NMNAT1: variants seen among roughly 807,000 people sequenced by gnomAD.
NMNAT1 encodes nicotinamide nucleotide adenylyltransferase 1.
NMNAT1 carries 11 observed loss-of-function variants against 16.7 expected under a neutral mutation model. The ratio of observed to expected loss-of-function variants is 0.66; its 90% confidence interval spans 0.41 to 1.09. NMNAT1 has a LOEUF of 1.09. NMNAT1 is among the 50% of genes least tolerant of loss of function. NMNAT1 has a pLI of 0.00. For synonymous variants in NMNAT1, 110 were observed against 119.8 expected (o/e 0.92, Z 0.53); for missense variants, 280 against 332.3 (o/e 0.84, Z 1.22).
chr1:9,979,959 T>G (rs536815989), intron 3 of NMNAT1, among the ~76,000 whole-genome samples: 1 of 151,844 alleles, frequency 6.6e-6, no homozygotes, highest in Non-Finnish European at 1.5e-5. Context: ...GAGGCGGAGT[T>G]TTGCTCTTGT....
At chr1:9,994,146 C>T in the NMNAT1 span, among the ~76,000 whole-genome samples, 1 of 135,432 alleles carries the variant, frequency 7.4e-6, no homozygotes, top group Admixed American at 8.1e-5. Flanking sequence ...AGAATCACTC[C>T]GTCTCCCAGG....
rs1345670182 is a variant in NMNAT1 at position 9,982,485 on chromosome 1, C to T, written c.624C>T (p.Ser208=). The T allele has an allele frequency of 1.2e-6, 2 of 1,613,984 alleles. No homozygotes were observed. The highest frequency in any genetic ancestry group is 2.2e-5 in the East Asian group (1 of 44,896). ...YESDVLWKHR[S]NIHVVNEWIA... Reference sequence around the variant, plus strand: ...CGGATGTGCTGTGGAAACACCGGAGCAACATTCACGTGGTGAATGAATGGA... The same window carrying T: ...CGGATGTGCTGTGGAAACACCGGAGTAACATTCACGTGGTGAATGAATGGA... Residue 208 remains serine, a synonymous_variant, in exon 5 of 5, where the codon AGC becomes AGT. Coordinates refer to ENST00000377205, the MANE Select transcript of NMNAT1 (RefSeq NM_022787.4).
intron 1 of NMNAT1, among the ~76,000 whole-genome samples, chr1:9,946,192 G>GT (rs535064249): frequency 6.6e-6 from 1 of 152,116 alleles, no homozygotes; most frequent in Non-Finnish European, 1.5e-5. Context: ...TATGCTAAGG[G>GT]TTTTTTTATA....
chr1:9,969,461 G>A lies in NMNAT1; in HGVS notation c.-56-2557G>A, dbSNP rs1190333417. ...GAAAATACAGAAAAAATGATTAGAT[G>A]CTTCAGCTCTAAATAATAGACATTT... On this transcript the variant is annotated intron_variant, in intron 1 of 4. Coordinates refer to ENST00000377205, the MANE Select transcript of NMNAT1 (RefSeq NM_022787.4). Among the ~76,000 whole-genome samples the A allele has an allele frequency of 1.7e-4, 26 of 152,080 alleles. 1 individual carries two copies. Among genetic ancestry groups the A allele is most frequent in the Admixed American group, 1.7e-3 (26 of 15,228 alleles).
chr1:9,956,729 A>G (rs886775113), intron 1 of NMNAT1, among the ~76,000 whole-genome samples: 1 of 106,468 alleles, frequency 9.4e-6, no homozygotes, highest in South Asian at 2.8e-4. Flanking sequence ...GGCCTTGTTT[A>G]CCTTTTTTTT....
At chr1:9,960,141 CA>C (rs1223701087) in intron 1 of NMNAT1, among the ~76,000 whole-genome samples, 1 of 151,986 alleles carries the variant, frequency 6.6e-6, no homozygotes, top group East Asian at 1.9e-4. Context: ...ACTTTTTAGC[CA>C]GGAGTGATGG....
In NMNAT1 at chr1:9,985,494, C is replaced by G. The variant is rs868312331; in HGVS notation, c.*2793C>G. ...AAGTGAGGACAAATAAAGCTTTCAA[C>G]AACAGTTTGTGGTAGTCTGATGGAG... On this transcript the variant is annotated 3_prime_UTR_variant, in exon 5 of 5. Coordinates refer to ENST00000377205, the MANE Select transcript of NMNAT1 (RefSeq NM_022787.4). 6.6e-6 allele frequency: 1 copy of G among 152,120 alleles called. No homozygotes were observed. The highest frequency in any genetic ancestry group is 2.1e-4 in the South Asian group (1 of 4,830). 9.4% of individuals were successfully genotyped at this position (152,120 alleles called of 1,614,324 possible). A position where few individuals can be genotyped will look rare whatever the true frequency, so the allele number is the denominator to read the frequency against.
chr1:9,994,675 C>T, the NMNAT1 span, among the ~76,000 whole-genome samples: 3 of 149,610 alleles, frequency 2.0e-5, no homozygotes, highest in Non-Finnish European at 4.4e-5. Context: ...TGCAATGGCG[C>T]GATCTCGGCT....
chr1:9,994,848 G>A, the NMNAT1 span, among the ~76,000 whole-genome samples: 4,754 of 152,002 alleles, frequency 0.031, 252 homozygotes, highest in African/African-American at 0.11. Context: ...TCCTGACCTC[G>A]TGATCTGCCC....
intron 1 of NMNAT1, among the ~76,000 whole-genome samples, chr1:9,954,750 G>A (rs1248601784): frequency 1.3e-5 from 2 of 151,420 alleles, no homozygotes; most frequent in Admixed American, 6.6e-5. Context: ...GGCCAACATG[G>A]TGACACCCCA....
rs1001132311 is a variant in NMNAT1, at chr1:9,962,544, C to T, written c.-56-9474C>T. Among the ~76,000 whole-genome samples, 8 of 151,754 alleles carry T rather than the reference C, an allele frequency of 5.3e-5. No homozygotes were observed. The East Asian group carries it at 1.6e-3, about 29-fold the overall frequency. ...CACTGTGCCAGGCAATATGCTAAGC[C>T]CCTTGCCATGTTTATCCTCAGAATT... On this transcript the variant is annotated intron_variant, in intron 1 of 4. Transcript: ENST00000377205.
At chr1:9,980,032 A>C (rs1248640159) in intron 3 of NMNAT1, among the ~76,000 whole-genome samples, 2 of 151,354 alleles carry the variant, frequency 1.3e-5, no homozygotes, top group African/African-American at 2.4e-5. Context: ...CCTGGGTTCA[A>C]GCGATTCTCC....
At chr1:9,992,310 T>C in the NMNAT1 span, among the ~76,000 whole-genome samples, 2 of 152,112 alleles carry the variant, frequency 1.3e-5, no homozygotes, top group East Asian at 1.9e-4. Context: ...CTCAAAATCC[T>C]GGGCTCAAAT....
At chr1:9,981,620 C>T (rs1436482608) in intron 4 of NMNAT1, 1 of 157,088 alleles carries the variant, frequency 6.4e-6, no homozygotes, top group East Asian at 1.9e-4. Flanking sequence ...GTCCTCCTGC[C>T]TTGGCCTCCC....
chr1:9,985,753 C>T (rs1009246134), downstream of NMNAT1, among the ~76,000 whole-genome samples: 4 of 152,188 alleles, frequency 2.6e-5, no homozygotes, highest in Admixed American at 6.5e-5. Context: ...ACCTCTGCCT[C>T]CTGGGTTCAA....
chr1:9,990,881 C>T, the NMNAT1 span, among the ~76,000 whole-genome samples: 1 of 152,118 alleles, frequency 6.6e-6, no homozygotes, highest in Admixed American at 6.6e-5. Flanking sequence ...ATAAATTATG[C>T]TTCTCCTTCC....
At chr1:9,967,043 G>A (rs1641561298) in intron 1 of NMNAT1, among the ~76,000 whole-genome samples, 1 of 152,046 alleles carries the variant, frequency 6.6e-6, no homozygotes, top group African/African-American at 2.4e-5. Context: ...GGCCAAAGTG[G>A]TGAAACCCTG....
chr1:9,963,562 A>G (rs143884524), intron 1 of NMNAT1, among the ~76,000 whole-genome samples: 2 of 152,052 alleles, frequency 1.3e-5, no homozygotes, highest in East Asian at 3.9e-4. Context: ...GGCGCACACC[A>G]CCACGCCCAG....
At chr1:9,965,692 C>A (rs769842159) in intron 1 of NMNAT1, among the ~76,000 whole-genome samples, 1 of 151,996 alleles carries the variant, frequency 6.6e-6, no homozygotes, top group Admixed American at 6.6e-5. Flanking sequence ...TGTGAGCAAC[C>A]GCACCTGGCC....
Sources: allele counts gnomAD v4.1 joint callset (sites outside exome capture counted in the v4.1 genomes callset), GRCh38; gene constraint gnomAD v4.1.1; transcripts MANE v1.5; gene names NCBI Gene and HGNC (gene_info 2026-07-23, HGNC 2026-07-21).